SNX29: variants seen among roughly 807,000 people sequenced by gnomAD.
The protein encoded by SNX29 is sorting nexin 29, also known as sorting nexin-29.
SNX29 carries 78 observed loss-of-function variants against 102.1 expected under a neutral mutation model. That is an observed-to-expected ratio of 0.76 (90% CI 0.64 to 0.92). The LOEUF (loss-of-function observed/expected upper bound fraction) is 0.92, where lower values mean the gene tolerates loss of function less well. Ranked by LOEUF, SNX29 falls within the 40% of genes least tolerant of loss-of-function variation. The pLI is 0.00. For synonymous variants in SNX29, 580 were observed against 414.5 expected (o/e 1.40, Z -4.85); for missense variants, 1,280 against 1,061.7 (o/e 1.21, Z -2.86).
intron 20 of SNX29, among the ~76,000 whole-genome samples, chr16:12,539,422 TCAG>T (rs1454376840): frequency 6.6e-6 from 1 of 152,270 alleles, no homozygotes; most frequent in African/African-American, 2.4e-5. Flanking sequence ...GTTGGGTGAG[TCAG>T]CAGTGTTTTT....
intron 16 of SNX29, among the ~76,000 whole-genome samples, chr16:12,356,862 A>G (rs2082150460): frequency 6.6e-6 from 1 of 152,250 alleles, no homozygotes; most frequent in Non-Finnish European, 1.5e-5. Flanking sequence ...TCACCTCGCC[A>G]GGTTTTGACA....
At chr16:12,052,316 A>G in intron 8 of SNX29, 94 bp downstream of exon 8, 12 of 1,423,124 alleles carry the variant, frequency 8.4e-6, no homozygotes, top group Non-Finnish European at 1.2e-5. Flanking sequence ...TCCCGGGTTC[A>G]AGCTATTCTC....
chr16:12,532,051 C>G (rs962316553), intron 20 of SNX29, among the ~76,000 whole-genome samples: 15 of 152,158 alleles, frequency 9.9e-5, no homozygotes, highest in Non-Finnish European at 1.5e-5. Flanking sequence ...AGCTGCAGGT[C>G]TGGGTCGCCG....
chr16:12,154,719 C>T (rs1886061256), intron 13 of SNX29, among the ~76,000 whole-genome samples: 1 of 152,134 alleles, frequency 6.6e-6, no homozygotes, highest in Non-Finnish European at 1.5e-5. Flanking sequence ...GCTGGAAGTC[C>T]AAGATCAAGG....
chr16:12,569,010 A>T lies in SNX29; in HGVS notation c.*381A>T, dbSNP rs749340914. On this transcript the variant is annotated 3_prime_UTR_variant, in exon 21 of 21. Transcript: ENST00000566228. ...GGTGATCCCCTATATAGGAAGGTTC[A>T]TGCAGAGCCAGCCTCTCCACTCTTT... 1 of 263,808 alleles carries T rather than the reference A, an allele frequency of 3.8e-6. No homozygotes were observed. The highest frequency in any genetic ancestry group is 5.3e-5 in the Admixed American group (1 of 18,852). The allele number at this position is 263,808 out of a possible 1,614,324, so 16.3% of individuals were successfully genotyped here. A position where few individuals can be genotyped will look rare whatever the true frequency, so the allele number is the denominator to read the frequency against.
At chr16:12,202,610 T>C (rs1018752158) in intron 14 of SNX29, among the ~76,000 whole-genome samples, 7 of 152,252 alleles carry the variant, frequency 4.6e-5, no homozygotes, top group African/African-American at 7.2e-5. Context: ...GTTAATGGCG[T>C]TGGACACCCT....
At chr16:12,115,233 C>T (rs1028692732) in intron 11 of SNX29, among the ~76,000 whole-genome samples, 21 of 152,038 alleles carry the variant, frequency 1.4e-4, no homozygotes, top group Non-Finnish European at 1.5e-4. Context: ...TTGTCTTCTT[C>T]TTGGCTGGGA....
chr16:12,304,951 G>A (rs923171910), intron 15 of SNX29, among the ~76,000 whole-genome samples: 1 of 152,152 alleles, frequency 6.6e-6, no homozygotes, highest in Non-Finnish European at 1.5e-5. Flanking sequence ...AATTTTCCAA[G>A]AATGAGAATA....
At chr16:12,434,739 A>G (rs2085460555) in intron 18 of SNX29, among the ~76,000 whole-genome samples, 1 of 152,054 alleles carries the variant, frequency 6.6e-6, no homozygotes, top group Non-Finnish European at 1.5e-5. Flanking sequence ...CCAGGACAGT[A>G]CAGGTCAGAC....
rs930666449 is a variant in SNX29 at position 12,569,406 on chromosome 16, A to C, written c.*777A>C. On this transcript the variant is annotated 3_prime_UTR_variant, in exon 21 of 21. Coordinates refer to ENST00000566228, the MANE Select transcript of SNX29 (RefSeq NM_032167.5). ...CTGGCCCAGCCATCAGCAGCAACCTAGTAACCCGGCGTCATCCAGCGTGTC... is the reference window on the plus strand; with the variant it reads ...CTGGCCCAGCCATCAGCAGCAACCTCGTAACCCGGCGTCATCCAGCGTGTC... 4.3e-6 allele frequency: 1 copy of C among 230,656 alleles called. No individual in the cohort carries two copies. The highest frequency in any genetic ancestry group is 8.6e-6 in the Non-Finnish European group (1 of 116,584). The allele number at this position is 230,656 out of a possible 1,614,324, so 14.3% of individuals were successfully genotyped here.
intron 15 of SNX29, among the ~76,000 whole-genome samples, chr16:12,290,053 C>G (rs777548987): frequency 6.6e-6 from 1 of 152,120 alleles, no homozygotes; most frequent in Non-Finnish European, 1.5e-5. Context: ...GGACTTGTTG[C>G]ATTTAATGCA....
intron 3 of SNX29, among the ~76,000 whole-genome samples, chr16:12,013,148 A>G (rs2056711882): frequency 6.6e-6 from 1 of 151,658 alleles, no homozygotes; most frequent in Non-Finnish European, 1.5e-5. Context: ...GTGATTACCC[A>G]GATGTGGAGG....
chr16:12,019,332 C>T (rs1042037711), intron 3 of SNX29, among the ~76,000 whole-genome samples: 3 of 152,042 alleles, frequency 2.0e-5, no homozygotes, highest in Non-Finnish European at 2.9e-5. Flanking sequence ...TTCAGCCTCC[C>T]GAGTAGCTGG....
At chr16:12,007,113 A>C (rs1254426182) in intron 3 of SNX29, among the ~76,000 whole-genome samples, 1 of 152,198 alleles carries the variant, frequency 6.6e-6, no homozygotes, top group Non-Finnish European at 1.5e-5. Flanking sequence ...ATTCCTTCTT[A>C]ATATCAGAGA....
intron 13 of SNX29, among the ~76,000 whole-genome samples, chr16:12,142,536 C>G (rs1451123518): frequency 6.6e-6 from 1 of 152,152 alleles, no homozygotes; most frequent in African/African-American, 2.4e-5. Flanking sequence ...TGATGAAATT[C>G]AGTCAAGATG....
In SNX29 at chr16:12,135,437, C is replaced by G. The variant is rs544244614; in HGVS notation, c.1595+5679C>G. ...CCCAGGCCTGGACAGTTGGGTTGCT[C>G]CATCCATGAGGGCTTTACAGGAGGG... On this transcript the variant is annotated intron_variant, in intron 13 of 20. Coordinates refer to ENST00000566228, the MANE Select transcript of SNX29 (RefSeq NM_032167.5). 9.8e-6 allele frequency: 11 copies of G among 1,125,608 alleles called. No individual in the cohort carries two copies. In the African/African-American group the frequency reaches 1.6e-4, roughly 16 times the overall value. The allele number at this position is 1,125,608 out of a possible 1,614,324, so 69.7% of individuals were successfully genotyped here.
intron 18 of SNX29, among the ~76,000 whole-genome samples, chr16:12,435,210 C>T (rs1171845117): frequency 2.0e-5 from 3 of 152,184 alleles, no homozygotes; most frequent in Non-Finnish European, 4.4e-5. Flanking sequence ...CCCTCTATTC[C>T]TCCCATCCCA....
At chr16:12,452,614 C>A (rs941947263) in intron 18 of SNX29, among the ~76,000 whole-genome samples, 2 of 131,986 alleles carry the variant, frequency 1.5e-5, no homozygotes, top group African/African-American at 5.9e-5. Context: ...TTGCTCCAAT[C>A]ATTTTCTCTC....
chr16:12,571,034 C>T lies in SNX29; in HGVS notation c.*2405C>T, dbSNP rs928919680. ...GAGTCATCTCGCAGATCCAGACCATCTCCTCTCATTCTCACTCTAAAAATG... is the reference window on the plus strand; with the variant it reads ...GAGTCATCTCGCAGATCCAGACCATTTCCTCTCATTCTCACTCTAAAAATG... On this transcript the variant is annotated 3_prime_UTR_variant, in exon 21 of 21. Coordinates refer to ENST00000566228, the MANE Select transcript of SNX29 (RefSeq NM_032167.5). 1.3e-5 allele frequency: 3 copies of T among 232,740 alleles called. No individual in the cohort carries two copies. The highest frequency in any genetic ancestry group is 3.6e-4 in the South Asian group (2 of 5,524). The allele number at this position is 232,740 out of a possible 1,614,324, so 14.4% of individuals were successfully genotyped here.
Sources: gnomAD v4.1 joint callset for allele counts (sites outside exome capture counted in the v4.1 genomes callset) on GRCh38, gnomAD v4.1.1 for gene constraint, MANE v1.5 for transcripts, NCBI Gene and HGNC (gene_info 2026-07-23, HGNC 2026-07-21) for gene names.